DCX: variants seen among roughly 807,000 people sequenced by gnomAD.
DCX encodes the protein doublecortin, also known as neuronal migration protein doublecortin.
DCX carries 4 observed loss-of-function variants against 20.9 expected under a neutral mutation model. The observed-to-expected ratio is 0.19, with a 90% CI of 0.09 to 0.44. The LOEUF (loss-of-function observed/expected upper bound fraction) is 0.44, where lower values mean the gene tolerates loss of function less well. Ranked by LOEUF, DCX falls within the 20% of genes least tolerant of loss-of-function variation. DCX has a pLI of 0.99. For synonymous variants in DCX, 103 were observed against 111.4 expected (o/e 0.92, Z 0.47); for missense variants, 133 against 296.9 (o/e 0.45, Z 4.06).
At chrX:111,327,932 T>C (rs1177597578) in intron 5 of DCX, among the ~76,000 whole-genome samples, 1 of 112,690 alleles carries the variant, frequency 8.9e-6, no homozygotes, top group Non-Finnish European at 1.9e-5. Flanking sequence ...GTTGGAATCA[T>C]GAGGAGGCTA....
Position 111,293,807 on chromosome X carries a change from A to G in DCX, c.*7880T>C, listed in dbSNP as rs962690874. On this transcript the variant is annotated 3_prime_UTR_variant, in exon 7 of 7. Transcript: ENST00000636035. ...TGAAATCAAATTTTATTTTTGGAAA[A>G]TGACATTACACACATCTTGCAAATG... is the stretch of plus-strand genomic sequence containing the variant. 1 of 113,215 alleles carries G rather than the reference A, an allele frequency of 8.8e-6. No individual in the cohort carries two copies. The highest frequency in any genetic ancestry group is 1.9e-5 in the Non-Finnish European group (1 of 53,420). The allele number at this position is 113,215 out of a possible 1,213,427, so 9.3% of individuals were successfully genotyped here.
chrX:111,392,985 T>C (rs1388245646), intron 3 of DCX, among the ~76,000 whole-genome samples: 2 of 110,961 alleles, frequency 1.8e-5, no homozygotes, highest in African/African-American at 3.3e-5. Context: ...GCTTCTCCTA[T>C]CAAGACCTCT....
intron 4 of DCX, among the ~76,000 whole-genome samples, chrX:111,332,574 AG>A (rs1455084892): frequency 4.5e-5 from 5 of 111,910 alleles, no homozygotes; most frequent in Non-Finnish European, 9.4e-5. Context: ...CTGAATCACA[AG>A]GCAGACGAAT....
rs768081351 is a variant in DCX, at chrX:111,352,837, C to CAGAGAGAG, written c.706-19692_706-19685dup. Among the ~76,000 whole-genome samples the CAGAGAGAG allele has an allele frequency of 3.9e-3, 348 of 90,121 alleles. 1 individual carries two copies. The highest frequency in any genetic ancestry group is 5.7e-3 in the Middle Eastern group (1 of 175). The allele number at this position is 90,121 out of a possible 115,157, so 78.3% of individuals were successfully genotyped here. On this transcript the variant is annotated intron_variant, in intron 3 of 6. Transcript: ENST00000636035. ...GTGAAAGCTGAGGCAGACAGACAGA[C>CAGAGAGAG]AGAGAGAGAGAGAGAGAGAGAGAGA...
At chrX:111,343,709 C>T (rs928511298) in intron 3 of DCX, among the ~76,000 whole-genome samples, 4 of 111,702 alleles carry the variant, frequency 3.6e-5, no homozygotes, top group South Asian at 3.7e-4. Flanking sequence ...AGGCTGGGTG[C>T]GGCAGCTCAC....
chrX:111,344,966 G>A (rs880003271), intron 3 of DCX, among the ~76,000 whole-genome samples: 1 of 112,083 alleles, frequency 8.9e-6, no homozygotes, highest in African/African-American at 3.2e-5. Context: ...AAAGCTGGAG[G>A]CATCACGCTA....
At chrX:111,409,451 T>C (rs1445300161) in intron 2 of DCX, among the ~76,000 whole-genome samples, 1 of 111,699 alleles carries the variant, frequency 9.0e-6, no homozygotes, top group Non-Finnish European at 1.9e-5. Context: ...TACCTACAGC[T>C]TTCTTTGGTA....
intron 3 of DCX, among the ~76,000 whole-genome samples, chrX:111,340,596 C>A (rs1178697568): frequency 4.5e-5 from 5 of 111,463 alleles, no homozygotes; most frequent in Admixed American, 3.8e-4. Context: ...GGTTGTCAGA[C>A]AAACTCATAC....
chrX:111,297,830 G>A lies in DCX; in HGVS notation c.*3857C>T, dbSNP rs901463212. On this transcript the variant is annotated 3_prime_UTR_variant, in exon 7 of 7. Transcript: ENST00000636035. Reference sequence around the variant, plus strand: ...ATAGAGCACACAGCTTGCTATTTTGGTGCAAACACAGGAGCCAATGTTTAA... The same window carrying A: ...ATAGAGCACACAGCTTGCTATTTTGATGCAAACACAGGAGCCAATGTTTAA... 3 of 111,598 alleles carry A rather than the reference G, an allele frequency of 2.7e-5. No individual in the cohort carries two copies. The highest frequency in any genetic ancestry group is 5.6e-5 in the Non-Finnish European group (3 of 53,155). The allele number at this position is 111,598 out of a possible 1,213,427, so 9.2% of individuals were successfully genotyped here. A position where few individuals can be genotyped will look rare whatever the true frequency, so the allele number is the denominator to read the frequency against.
At chrX:111,340,445 T>C (rs1479002759) in intron 3 of DCX, among the ~76,000 whole-genome samples, 1 of 112,332 alleles carries the variant, frequency 8.9e-6, no homozygotes, top group Non-Finnish European at 1.9e-5. Flanking sequence ...CCTTTCTTCC[T>C]GGTAGTTCTG....
At chrX:111,371,706 A>G (rs1310142111) in intron 3 of DCX, among the ~76,000 whole-genome samples, 1 of 110,845 alleles carries the variant, frequency 9.0e-6, no homozygotes. Context: ...TGACAGATAG[A>G]AAAAATAGGC....
chrX:111,349,617 G>T (rs938032753), intron 3 of DCX, among the ~76,000 whole-genome samples: 1 of 111,769 alleles, frequency 8.9e-6, no homozygotes, highest in Non-Finnish European at 1.9e-5. Context: ...CTTGATTATA[G>T]ATATTCTGAA....
In DCX at chrX:111,328,174, C is replaced by T. The variant is rs1013431967; in HGVS notation, c.946+2730G>A. The stretch of plus-strand genomic sequence containing the variant: ...CACCCAAATTGGTTACTCTGTTTAT[C>T]GTGTGGGTTGGAATAAATCCTCATT... On this transcript the variant is annotated intron_variant, in intron 5 of 6. Coordinates refer to ENST00000636035, the MANE Select transcript of DCX (RefSeq NM_001195553.2). Among the ~76,000 whole-genome samples the T allele has an allele frequency of 3.6e-5, 4 of 111,826 alleles. No individual in the cohort carries two copies. In the Admixed American group the frequency reaches 3.8e-4, roughly 11 times the overall value.
chrX:111,380,530 T>C (rs991191046), intron 3 of DCX, among the ~76,000 whole-genome samples: 3 of 111,860 alleles, frequency 2.7e-5, no homozygotes, highest in Non-Finnish European at 5.7e-5. Flanking sequence ...TTTATGTGTC[T>C]ATGTCAGTAC....
intron 3 of DCX, among the ~76,000 whole-genome samples, chrX:111,364,859 T>C (rs1924481875): frequency 9.1e-6 from 1 of 110,471 alleles, no homozygotes; most frequent in African/African-American, 3.3e-5. Context: ...TCAAAGACAT[T>C]TTCAGTCTTA....
intron 5 of DCX, among the ~76,000 whole-genome samples, chrX:111,324,455 A>G (rs1359614433): frequency 9.0e-6 from 1 of 111,691 alleles, no homozygotes; most frequent in East Asian, 2.8e-4. Context: ...ACATGGCATT[A>G]ATGGTTCAGT....
intron 2 of DCX, 38 bp downstream of exon 2, chrX:111,409,997 A>AC: frequency 8.3e-7 from 1 of 1,209,056 alleles, no homozygotes; most frequent in Non-Finnish European, 1.1e-6. Context: ...CAATGATGCC[A>AC]CCTCCCACCA....
chrX:111,382,829 G>A (rs1000371119), intron 3 of DCX, among the ~76,000 whole-genome samples: 8 of 111,144 alleles, frequency 7.2e-5, no homozygotes, highest in African/African-American at 2.6e-4. Flanking sequence ...GCATGCATAG[G>A]GAATCATCTC....
At chrX:111,377,771 TCTTCCTCC>T in intron 3 of DCX, among the ~76,000 whole-genome samples, 1 of 111,545 alleles carries the variant, frequency 9.0e-6, no homozygotes, top group Admixed American at 9.5e-5. Flanking sequence ...CTTCCTTTCC[TCTTCCTCC>T]CTTCCTCCTT....
Sources: gnomAD v4.1 joint callset for allele counts (sites outside exome capture counted in the v4.1 genomes callset) on GRCh38, gnomAD v4.1.1 for gene constraint, MANE v1.5 for transcripts, NCBI Gene and HGNC (gene_info 2026-07-23, HGNC 2026-07-21) for gene names.